The following PDPK1 variants were observed in gnomAD, a reference collection of about 807,000 sequenced individuals.
PDPK1 encodes the protein 3-phosphoinositide dependent protein kinase 1.
A neutral mutation model predicts 39.8 loss-of-function variants in PDPK1; 7 were observed. The ratio of observed to expected loss-of-function variants is 0.18; its 90% CI spans 0.10 to 0.33. The LOEUF (loss-of-function observed/expected upper bound fraction) is 0.33. PDPK1 is among the 10% of genes least tolerant of loss of function. The pLI is 1.00. For synonymous variants in PDPK1, 118 were observed against 159.1 expected (o/e 0.74, Z 1.95); for missense variants, 182 against 384.7 (o/e 0.47, Z 4.41).
rs1251590991 is a variant in PDPK1, at chr16:2,600,160, A to T, written c.*2393A>T. On this transcript the variant is annotated 3_prime_UTR_variant, in exon 14 of 14. Transcript: ENST00000342085. ...CACATCCTTAGAGCCATCACCTGGC[A>T]CGCAGGCGCCTTACATTCTACGGTA... is the stretch of plus-strand genomic sequence containing the variant. The T allele has an allele frequency of 4.3e-6, 1 of 233,162 alleles. No homozygotes were observed. 14.4% of individuals were successfully genotyped at this position (233,162 alleles called of 1,614,324 possible). A position where few individuals can be genotyped will look rare whatever the true frequency, so the allele number is the denominator to read the frequency against.
At chr16:2,545,758 G>A (rs773475065) in intron 1 of PDPK1, among the ~76,000 whole-genome samples, 8 of 152,130 alleles carry the variant, frequency 5.3e-5, no homozygotes, top group African/African-American at 7.2e-5. Context: ...CTCCCAAAGC[G>A]TGAGATTACA....
At chr16:2,547,317 G>T (rs2066369396) in intron 1 of PDPK1, among the ~76,000 whole-genome samples, 1 of 139,044 alleles carries the variant, frequency 7.2e-6, no homozygotes, top group African/African-American at 3.1e-5. Context: ...GCCAGGCTGA[G>T]GGAGTACACA....
chr16:2,588,811 A>G (rs1344624086), intron 11 of PDPK1, among the ~76,000 whole-genome samples: 1 of 151,834 alleles, frequency 6.6e-6, no homozygotes, highest in Non-Finnish European at 1.5e-5. Context: ...AGGTCAGGGC[A>G]GTTTTTTTTG....
chr16:2,551,842 T>C (rs2066418150), intron 1 of PDPK1, among the ~76,000 whole-genome samples: 1 of 151,380 alleles, frequency 6.6e-6, no homozygotes, highest in Admixed American at 6.7e-5. Context: ...AATGTTTGTA[T>C]CTTTAGTAGA....
In PDPK1 at chr16:2,597,326, C is replaced by T; in HGVS notation, c.1554+51C>T. The T allele has an allele frequency of 4.0e-6, 6 of 1,485,362 alleles. No homozygotes were observed. Among genetic ancestry groups the T allele is most frequent in the South Asian group, 1.3e-5 (1 of 78,134 alleles). 92.0% of individuals were successfully genotyped at this position (1,485,362 alleles called of 1,614,324 possible). Reference sequence around the variant, plus strand: ...TGTGCAGGGTAATGGGAGGGCTTTGCACCACGTGGGAAGCAGCCACAGGCC... The same window carrying T: ...TGTGCAGGGTAATGGGAGGGCTTTGTACCACGTGGGAAGCAGCCACAGGCC... On this transcript the variant is annotated intron_variant, in intron 13 of 13. Transcript: ENST00000342085. The surrounding 1 kb of genome is among the most constrained non-coding windows in gnomAD (Gnocchi z 6.3).
chr16:2,589,045 T>G lies in PDPK1; in HGVS notation c.1343+2152T>G, dbSNP rs1045951491. 3.3e-5 allele frequency among the ~76,000 whole-genome samples: 5 copies of G among 152,284 alleles called. No individual in the cohort carries two copies. The East Asian group carries it at 9.7e-4, about 29-fold the overall frequency. On this transcript the variant is annotated intron_variant, in intron 11 of 13. Coordinates refer to ENST00000342085, the MANE Select transcript of PDPK1 (RefSeq NM_002613.5). ...GATCTCTGCTCACACAACCTCCGCC[T>G]CCTGGGTTAAAGTGATTCTCCTGTC...
At chr16:2,542,871 T>C (rs1352223448) in intron 1 of PDPK1, among the ~76,000 whole-genome samples, 3 of 151,246 alleles carry the variant, frequency 2.0e-5, no homozygotes, top group South Asian at 2.1e-4. Flanking sequence ...CCTCTCCCCG[T>C]GCTGGAGAGG....
chr16:2,588,965 T>C (rs2066932882), intron 11 of PDPK1, among the ~76,000 whole-genome samples: 1 of 152,196 alleles, frequency 6.6e-6, no homozygotes, highest in African/African-American at 2.4e-5. Context: ...ATATGTTTTG[T>C]TTTTTAAATG....
intron 1 of PDPK1, among the ~76,000 whole-genome samples, chr16:2,552,628 T>C (rs1452330899): frequency 7.8e-6 from 1 of 128,744 alleles, no homozygotes; most frequent in East Asian, 2.3e-4. Context: ...TTCCAGGGAC[T>C]TGGGGGATGG....
rs76807695 is a variant in PDPK1 at position 2,595,990 on chromosome 16, G to A, written c.1401+140G>A. 6,454 of 761,126 alleles carry A rather than the reference G, an allele frequency of 8.5e-3. 275 individuals are homozygous for A. The African/African-American group carries it at 0.092, about 11-fold the overall frequency. The allele number at this position is 761,126 out of a possible 1,614,324, so 47.1% of individuals were successfully genotyped here. On this transcript the variant is annotated intron_variant, in intron 12 of 13. Transcript: ENST00000342085. ...ACATCATCTCTAGATTTCATAGCTC[G>A]GGAAGGCTTAAGTCCCTTGAGAGAA...
At chr16:2,586,249 C>A (rs1340466933) in intron 10 of PDPK1, among the ~76,000 whole-genome samples, 1 of 152,278 alleles carries the variant, frequency 6.6e-6, no homozygotes, top group Non-Finnish European at 1.5e-5. Context: ...ACCTGGGGCC[C>A]AACAAGGTCT....
intron 1 of PDPK1, 128 bp downstream of exon 1, chr16:2,538,264 C>A (rs2066174297): frequency 5.5e-6 from 2 of 360,680 alleles, no homozygotes; most frequent in Non-Finnish European, 7.9e-6. Flanking sequence ...TGCAGCCGGG[C>A]GGCCGGGCCG....
In PDPK1 at chr16:2,601,202, G is replaced by A. The variant is rs577221830; in HGVS notation, c.*3435G>A. The A allele has an allele frequency of 2.2e-4, 52 of 233,894 alleles. No individual in the cohort carries two copies. The highest frequency in any genetic ancestry group is 1.1e-3 in the African/African-American group (48 of 45,366). 14.5% of individuals were successfully genotyped at this position (233,894 alleles called of 1,614,324 possible). A position where few individuals can be genotyped will look rare whatever the true frequency, so the allele number is the denominator to read the frequency against. On this transcript the variant is annotated 3_prime_UTR_variant, in exon 14 of 14. Transcript: ENST00000342085. Reference sequence around the variant, plus strand: ...ATTTCTGTCTCTCTCTCGACCTGATGTGTAGACGCTCACTTCCAGTAGCAG... The same window carrying A: ...ATTTCTGTCTCTCTCTCGACCTGATATGTAGACGCTCACTTCCAGTAGCAG...
chr16:2,587,535 G>T (rs2066902424), intron 11 of PDPK1, among the ~76,000 whole-genome samples: 1 of 151,998 alleles, frequency 6.6e-6, no homozygotes, highest in Admixed American at 6.6e-5. Flanking sequence ...TTGAGACAGA[G>T]TGTTGCTCTG....
At position 2,598,140 on chromosome 16, in the gene PDPK1, G is replaced by A; in HGVS notation, c.*373G>A. The stretch of plus-strand genomic sequence containing the variant: ...TCAGTCCGAACCATGCGCCCGCCCT[G>A]CCCCAACTGTGTGCTGGTCCTGCTG... On this transcript the variant is annotated 3_prime_UTR_variant, in exon 14 of 14. Coordinates refer to ENST00000342085, the MANE Select transcript of PDPK1 (RefSeq NM_002613.5). 3.6e-6 allele frequency: 1 copy of A among 276,904 alleles called. No individual in the cohort carries two copies. Among genetic ancestry groups the A allele is most frequent in the Non-Finnish European group, 6.9e-6 (1 of 145,808 alleles). 17.2% of individuals were successfully genotyped at this position (276,904 alleles called of 1,614,324 possible). A position where few individuals can be genotyped will look rare whatever the true frequency, so the allele number is the denominator to read the frequency against.
chr16:2,547,325 A>G (rs2066369490), intron 1 of PDPK1, among the ~76,000 whole-genome samples: 1 of 136,948 alleles, frequency 7.3e-6, no homozygotes, highest in Non-Finnish European at 1.5e-5. Context: ...GAGGGAGTAC[A>G]CAGCTCCTTC....
At position 2,538,040 on chromosome 16, in the gene PDPK1, G is replaced by C. The variant is rs1159177876; in HGVS notation, c.-73G>C. On this transcript the variant is annotated 5_prime_UTR_variant, in exon 1 of 14. Transcript: ENST00000342085. ...GCGGCCATTGCTGGGGCTCCGCTTC[G>C]GGGAGGAGGACGCTGAGGAGGCGCC... is the stretch of plus-strand genomic sequence containing the variant. 4.2e-6 allele frequency: 3 copies of C among 707,198 alleles called. No homozygotes were observed. Among genetic ancestry groups the C allele is most frequent in the Admixed American group, 1.2e-4 (2 of 16,810 alleles). The allele number at this position is 707,198 out of a possible 1,614,324, so 43.8% of individuals were successfully genotyped here.
intron 11 of PDPK1, among the ~76,000 whole-genome samples, chr16:2,588,619 C>T (rs541834134): frequency 2.0e-5 from 3 of 152,266 alleles, no homozygotes; most frequent in East Asian, 1.9e-4. Flanking sequence ...CATTCTCCTG[C>T]CTGCTTCCTT....
chr16:2,577,574 T>C (rs1196616309), intron 7 of PDPK1, 74 bp downstream of exon 7: 1 of 905,832 alleles, frequency 1.1e-6, no homozygotes, highest in Non-Finnish European at 1.8e-6. Flanking sequence ...GTGAATTTGG[T>C]GGCCTTTAAG....
Sources: gnomAD v4.1 joint callset for allele counts (sites outside exome capture counted in the v4.1 genomes callset) on GRCh38, gnomAD v4.1.1 for gene constraint, Gnocchi (gnomAD v3.1) non-coding constraint, MANE v1.5 for transcripts, NCBI Gene and HGNC (gene_info 2026-07-23, HGNC 2026-07-21) for gene names.